RNGTT: variants seen among roughly 807,000 people sequenced by gnomAD.
RNGTT encodes RNA guanylyltransferase and 5'-phosphatase.
A neutral mutation model predicts 79.3 loss-of-function variants in RNGTT; 33 were observed. The ratio of observed to expected loss-of-function variants is 0.42; its 90% CI spans 0.32 to 0.56. The LOEUF (loss-of-function observed/expected upper bound fraction) is 0.56, where lower values mean the gene tolerates loss of function less well. Among genes scored for constraint, RNGTT ranks in the 20% least tolerant of loss-of-function variants. The pLI is 0.17. For missense variants in RNGTT, 497 were observed against 739.1 expected (o/e 0.67, Z 3.80); for synonymous variants, 222 against 235.9 (o/e 0.94, Z 0.54).
At chr6:88,853,524 T>G (rs931005760) in intron 9 of RNGTT, 105 bp downstream of exon 9, 2 of 784,760 alleles carry the variant, frequency 2.5e-6, no homozygotes. Flanking sequence ...AAAAAAAAAG[T>G]TAGATTTCAT....
intron 8 of RNGTT, among the ~76,000 whole-genome samples, chr6:88,881,126 A>G (rs1782683452): frequency 6.6e-6 from 1 of 152,210 alleles, no homozygotes; most frequent in African/African-American, 2.4e-5. Flanking sequence ...AGTTAAATGT[A>G]TTTTAGGGAA....
chr6:88,692,486 G>A (rs2610761), intron 13 of RNGTT, among the ~76,000 whole-genome samples: 40,487 of 151,320 alleles, frequency 0.27, 9,452 homozygotes, highest in African/African-American at 0.63. Flanking sequence ...AAATGTGACA[G>A]CATGGATGAA....
chr6:88,823,214 G>A (rs188710754), intron 11 of RNGTT, among the ~76,000 whole-genome samples: 2 of 152,166 alleles, frequency 1.3e-5, no homozygotes, highest in African/African-American at 4.8e-5. Context: ...GTAACCTAAG[G>A]TCAGGAGTTC....
At chr6:88,631,545 C>T (rs1309110887) in intron 14 of RNGTT, among the ~76,000 whole-genome samples, 1 of 152,126 alleles carries the variant, frequency 6.6e-6, no homozygotes, top group African/African-American at 2.4e-5. Context: ...TAGAGGTGTC[C>T]CTCCCTCCCT....
chr6:88,773,652 A>G (rs886104751), intron 12 of RNGTT, among the ~76,000 whole-genome samples: 1 of 152,112 alleles, frequency 6.6e-6, no homozygotes, highest in African/African-American at 2.4e-5. Context: ...GTACATAAAT[A>G]AAGTCATAAA....
At chr6:88,878,343 C>T (rs1782587088) in intron 8 of RNGTT, among the ~76,000 whole-genome samples, 1 of 152,038 alleles carries the variant, frequency 6.6e-6, no homozygotes, top group Non-Finnish European at 1.5e-5. Flanking sequence ...GTGATCCACC[C>T]ACCTCGGCCT....
At chr6:88,660,305 A>C (rs1413547186) in intron 14 of RNGTT, among the ~76,000 whole-genome samples, 1 of 152,206 alleles carries the variant, frequency 6.6e-6, no homozygotes, top group Non-Finnish European at 1.5e-5. Flanking sequence ...CTCACATCTC[A>C]GTACTAACAT....
At chr6:88,642,047 G>A (rs912618750) in intron 14 of RNGTT, among the ~76,000 whole-genome samples, 1 of 152,074 alleles carries the variant, frequency 6.6e-6, no homozygotes, top group African/African-American at 2.4e-5. Flanking sequence ...GAGAGAGAGA[G>A]AGAAAATAGG....
chr6:88,912,228 C>T (rs1488063868), intron 4 of RNGTT, among the ~76,000 whole-genome samples: 1 of 151,602 alleles, frequency 6.6e-6, no homozygotes. Flanking sequence ...TAAAGCAGGA[C>T]CCCATCTCTA....
At chr6:88,813,336 T>C (rs1780205688) in intron 11 of RNGTT, among the ~76,000 whole-genome samples, 1 of 152,116 alleles carries the variant, frequency 6.6e-6, no homozygotes, top group African/African-American at 2.4e-5. Flanking sequence ...GCCTGAGGAC[T>C]TTCCAGACCT....
intron 14 of RNGTT, among the ~76,000 whole-genome samples, chr6:88,622,558 T>C (rs951542401): frequency 6.6e-6 from 1 of 152,158 alleles, no homozygotes; most frequent in Non-Finnish European, 1.5e-5. Flanking sequence ...TTCTCTTTTC[T>C]AGGCTTCCAG....
intron 14 of RNGTT, among the ~76,000 whole-genome samples, chr6:88,665,635 T>C (rs1172163380): frequency 6.6e-6 from 1 of 152,166 alleles, no homozygotes; most frequent in Non-Finnish European, 1.5e-5. Context: ...AGCCAGAAAC[T>C]GTTTGCCTTT....
intron 1 of RNGTT, among the ~76,000 whole-genome samples, chr6:88,950,730 G>A (rs140113521): frequency 6.6e-6 from 1 of 152,266 alleles, no homozygotes; most frequent in East Asian, 1.9e-4. Flanking sequence ...TACTCAGGAG[G>A]CGGGGATGGG....
intron 13 of RNGTT, among the ~76,000 whole-genome samples, chr6:88,705,612 G>C (rs1333596479): frequency 6.6e-6 from 1 of 152,014 alleles, no homozygotes; most frequent in East Asian, 1.9e-4. Flanking sequence ...TTTAGTTCAA[G>C]AAAAAGAAAC....
intron 8 of RNGTT, among the ~76,000 whole-genome samples, chr6:88,881,776 G>A (rs1464617647): frequency 2.6e-5 from 4 of 152,122 alleles, no homozygotes; most frequent in African/African-American, 7.2e-5. Flanking sequence ...AAGGAAGAAA[G>A]AGAGGAAATG....
chr6:88,635,263 G>A (rs553357616), intron 14 of RNGTT, among the ~76,000 whole-genome samples: 1 of 152,036 alleles, frequency 6.6e-6, no homozygotes, highest in Non-Finnish European at 1.5e-5. Flanking sequence ...CGATGTTTAT[G>A]TGTGTTCACA....
At chr6:88,762,671 TA>T (rs1306237619) in intron 13 of RNGTT, among the ~76,000 whole-genome samples, 1 of 152,190 alleles carries the variant, frequency 6.6e-6, no homozygotes, top group Non-Finnish European at 1.5e-5. Flanking sequence ...GTGGTCTTTT[TA>T]AAAAATAGTA....
Position 88,652,389 on chromosome 6 carries a change from A to T in RNGTT, c.1506+25964T>A, listed in dbSNP as rs115532967. Reference sequence around the variant, plus strand: ...TCTGTAGATAATAAAATTTGAGGACATGGAGAAGACAAATATTTAGTTCAC... The same window carrying T: ...TCTGTAGATAATAAAATTTGAGGACTTGGAGAAGACAAATATTTAGTTCAC... On this transcript the variant is annotated intron_variant, in intron 14 of 15. Transcript: ENST00000369485. Among the ~76,000 whole-genome samples the T allele has an allele frequency of 3.7e-3, 571 of 152,320 alleles. 5 individuals carry two copies. The highest frequency in any genetic ancestry group is 0.013 in the African/African-American group (529 of 41,574).
intron 13 of RNGTT, among the ~76,000 whole-genome samples, chr6:88,707,728 A>G: frequency 6.7e-6 from 1 of 149,620 alleles, no homozygotes; most frequent in East Asian, 2.0e-4. Context: ...CTAACATTAA[A>G]AAAAAAAAAA....
Sources: allele counts gnomAD v4.1 joint callset (sites outside exome capture counted in the v4.1 genomes callset), GRCh38; gene constraint gnomAD v4.1.1; transcripts MANE v1.5; gene names NCBI Gene and HGNC (gene_info 2026-07-23, HGNC 2026-07-21).